Variants in ADGRF1 observed in about 807,000 individuals in gnomAD.
The protein encoded by ADGRF1 is adhesion G protein-coupled receptor F1, also known as G protein-coupled receptor 110.
A neutral mutation model predicts 87.2 loss-of-function variants in ADGRF1; 85 were observed. The ratio of observed to expected loss-of-function variants is 0.97; its 90% CI spans 0.82 to 1.17. ADGRF1 has a LOEUF of 1.17. Ranked by LOEUF, ADGRF1 falls within the 50% of genes most tolerant of loss-of-function variation. ADGRF1 has a pLI of 0.00. For synonymous variants in ADGRF1, 430 were observed against 408.8 expected (o/e 1.05, Z -0.63); for missense variants, 1,169 against 1,077.2 (o/e 1.09, Z -1.19).
At chr6:47,025,555 G>A (rs1207654375) in intron 4 of ADGRF1, among the ~76,000 whole-genome samples, 2 of 152,128 alleles carry the variant, frequency 1.3e-5, no homozygotes, top group Non-Finnish European at 2.9e-5. Context: ...AGTTACTGCG[G>A]TCACTTCTGA....
At chr6:47,010,893 G>T (rs930585685) in intron 10 of ADGRF1, among the ~76,000 whole-genome samples, 2 of 152,156 alleles carry the variant, frequency 1.3e-5, no homozygotes, top group Non-Finnish European at 2.9e-5. Context: ...GTCAGTCTTA[G>T]TTTGAGATTC....
intron 7 of ADGRF1, chr6:47,018,454 C>T: frequency 7.8e-7 from 1 of 1,289,730 alleles, no homozygotes; most frequent in Non-Finnish European, 1.0e-6. Flanking sequence ...TGCAGACACC[C>T]TTTTGCTTAA....
chr6:47,041,614 T>C (rs563063342), intron 1 of ADGRF1, among the ~76,000 whole-genome samples: 7 of 152,292 alleles, frequency 4.6e-5, no homozygotes, highest in Non-Finnish European at 8.8e-5. Flanking sequence ...TTATATTTAT[T>C]TGGGGAAGTA....
chr6:47,016,550 G>A (rs1779883971), intron 8 of ADGRF1, 67 bp downstream of exon 8: 2 of 1,382,320 alleles, frequency 1.4e-6, no homozygotes, highest in South Asian at 4.0e-5. Context: ...TACTTCCTGA[G>A]GACACAAATG....
intron 10 of ADGRF1, 142 bp from the exon 11 acceptor site, chr6:47,010,460 A>T: frequency 1.3e-6 from 1 of 745,620 alleles, no homozygotes; most frequent in Non-Finnish European, 2.1e-6. Context: ...CTCATCAATC[A>T]AATTTAGCTC....
chr6:47,040,658 G>A (rs951461096), intron 1 of ADGRF1, among the ~76,000 whole-genome samples: 8 of 152,054 alleles, frequency 5.3e-5, no homozygotes, highest in South Asian at 2.1e-4. Flanking sequence ...CCCTTGTGAC[G>A]CACACCCCAC....
In ADGRF1 at chr6:47,029,087, C is replaced by A. The variant is rs766018691; in HGVS notation, c.-26G>T. On this transcript the variant is annotated 5_prime_UTR_variant, in exon 2 of 15. Transcript: ENST00000371253. ...TTTCCCTGGACTGAACAGCAGCAGTCGGGTGCATAGTCTGTGACTAAACAA... is the reference window on the plus strand; with the variant it reads ...TTTCCCTGGACTGAACAGCAGCAGTAGGGTGCATAGTCTGTGACTAAACAA... The A allele has an allele frequency of 6.3e-7, 1 of 1,599,474 alleles. No individual in the cohort carries two copies. Among genetic ancestry groups the A allele is most frequent in the Non-Finnish European group, 8.6e-7 (1 of 1,166,762 alleles).
rs1409743885 is a variant in ADGRF1, at chr6:47,009,443, T to C, written c.1992A>G (p.Thr664=). The change falls in exon 11 of 15, where the codon ACA becomes ACG. Residue 664 remains threonine, a synonymous_variant. Coordinates refer to ENST00000371253, the MANE Select transcript of ADGRF1 (RefSeq NM_153840.4). Reference sequence around the variant, plus strand: ...AGAACAAAGAGAGGTAGAAGAAGTGTGTAAAGAACACAGCAGCTGTGCAGA... The same window carrying C: ...AGAACAAAGAGAGGTAGAAGAAGTGCGTAAAGAACACAGCAGCTGTGCAGA... ...SGVCTAAVFF[T]HFFYLSLFFW... 7 of 1,613,828 alleles carry C rather than the reference T, an allele frequency of 4.3e-6. No individual in the cohort carries two copies. The highest frequency in any genetic ancestry group is 5.9e-6 in the Non-Finnish European group (7 of 1,179,934).
chr6:47,032,270 G>A (rs9463283), intron 1 of ADGRF1, among the ~76,000 whole-genome samples: 1,657 of 152,274 alleles, frequency 0.011, 25 homozygotes, highest in African/African-American at 0.038. Context: ...AAGCTCAAGC[G>A]AATCAAACTT....
rs1168320081 is a variant in ADGRF1 at position 47,008,929 on chromosome 6, T to C, written c.2490+16A>G. Reference sequence around the variant, plus strand: ...AATCACTTGACAATACAATAGGTTATTGTTACTGTTCTCACCTGGAATGCA... The same window carrying C: ...AATCACTTGACAATACAATAGGTTACTGTTACTGTTCTCACCTGGAATGCA... On this transcript the variant is annotated intron_variant, in intron 11 of 14. Coordinates refer to ENST00000371253, the MANE Select transcript of ADGRF1 (RefSeq NM_153840.4). 5.1e-6 allele frequency: 8 copies of C among 1,561,292 alleles called. No homozygotes were observed. In the East Asian group the frequency reaches 6.8e-5, roughly 13 times the overall value.
At chr6:47,034,434 G>C (rs1780529430) in intron 1 of ADGRF1, among the ~76,000 whole-genome samples, 1 of 152,170 alleles carries the variant, frequency 6.6e-6, no homozygotes, top group African/African-American at 2.4e-5. Context: ...ATTGGGTTCA[G>C]AACAGAGGTA....
intron 10 of ADGRF1, 95 bp from the exon 11 acceptor site, chr6:47,010,413 G>A (rs866305068): frequency 9.5e-7 from 1 of 1,051,478 alleles, no homozygotes; most frequent in African/African-American, 1.6e-5. Flanking sequence ...TAGGAAAAAT[G>A]CCCAGAGAAT....
intron 9 of ADGRF1, chr6:47,013,157 G>T: frequency 1.0e-6 from 1 of 985,428 alleles, no homozygotes; most frequent in Non-Finnish European, 1.2e-6. Context: ...AAGGAAGGCA[G>T]TCCCCTTCCA....
rs1780759909 is a variant in ADGRF1, at chr6:47,042,283, G to A, written c.-136C>T. 1 of 152,154 alleles carries A rather than the reference G, an allele frequency of 6.6e-6. No individual in the cohort carries two copies. 9.4% of individuals were successfully genotyped at this position (152,154 alleles called of 1,614,324 possible). ...ACTTCTTATGCTGTTTGGAAAGAAA[G>A]TATCAGTATCTGAGCCACAGCAGCT... On this transcript the variant is annotated 5_prime_UTR_variant, in exon 1 of 15. Coordinates refer to ENST00000371253, the MANE Select transcript of ADGRF1 (RefSeq NM_153840.4).
rs1344051625 is a variant in ADGRF1, at chr6:47,024,096, A to G, written c.399T>C (p.Cys133=). 1 of 1,614,092 alleles carries G rather than the reference A, an allele frequency of 6.2e-7. No individual in the cohort carries two copies. The part of the protein sequence containing the change: ...YLHTAGALPS[C]ECHLNNLSQS... ...GGCTGAGGTTGTTGAGATGACATTC[A>G]CAGCTTGGGAGTGCTCCAGCCGTGT... Residue 133 remains cysteine (C), a synonymous_variant, in exon 5 of 15, where the codon TGT becomes TGC. Transcript: ENST00000371253.
chr6:47,040,028 G>T (rs1780692472), intron 1 of ADGRF1, among the ~76,000 whole-genome samples: 1 of 152,068 alleles, frequency 6.6e-6, no homozygotes, highest in African/African-American at 2.4e-5. Context: ...ATCCAGTCAA[G>T]AAATCTGAAG....
At chr6:47,035,415 T>A (rs1398287326) in intron 1 of ADGRF1, among the ~76,000 whole-genome samples, 1 of 152,152 alleles carries the variant, frequency 6.6e-6, no homozygotes, top group Non-Finnish European at 1.5e-5. Context: ...AATAAAAAAG[T>A]ACCTGAACAG....
Position 47,012,714 on chromosome 6 carries a change from A to G in ADGRF1, c.928-519T>C. The G allele has an allele frequency of 3.0e-6, 3 of 985,572 alleles. No individual in the cohort carries two copies. The Middle Eastern group carries it at 1.6e-3, about 515-fold the overall frequency. The allele number at this position is 985,572 out of a possible 1,614,324, so 61.1% of individuals were successfully genotyped here. ...TTGTAAGATGGGAAGAGAGAGAAACATACATGGAGATTTGACTACTGGGCT... is the reference window on the plus strand; with the variant it reads ...TTGTAAGATGGGAAGAGAGAGAAACGTACATGGAGATTTGACTACTGGGCT... On this transcript the variant is annotated intron_variant, in intron 9 of 14. Transcript: ENST00000371253.
chr6:47,025,819 C>G, intron 4 of ADGRF1, 35 bp downstream of exon 4: 2 of 1,549,494 alleles, frequency 1.3e-6, no homozygotes, highest in Non-Finnish European at 1.8e-6. Flanking sequence ...CCCGCCTTCC[C>G]CATTTATACA....
Sources: allele counts gnomAD v4.1 joint callset (sites outside exome capture counted in the v4.1 genomes callset), GRCh38; gene constraint gnomAD v4.1.1; transcripts MANE v1.5; gene names NCBI Gene and HGNC (gene_info 2026-07-23, HGNC 2026-07-21).